Variants in CSNK1A1 observed in about 807,000 individuals in gnomAD.
CSNK1A1 encodes casein kinase I isoform alpha.
CSNK1A1 carries 7 observed loss-of-function variants against 46.1 expected under a neutral mutation model. That is an observed-to-expected ratio of 0.15 (90% CI 0.09 to 0.29). The LOEUF (loss-of-function observed/expected upper bound fraction) is 0.29, where lower values mean the gene tolerates loss of function less well. Among genes scored for constraint, CSNK1A1 ranks in the 10% least tolerant of loss-of-function variants. CSNK1A1 has a pLI of 1.00. For synonymous variants in CSNK1A1, 137 were observed against 141.5 expected (o/e 0.97, Z 0.23); for missense variants, 96 against 417.1 (o/e 0.23, Z 6.71).
chr5:149,521,902 C>G (rs764181006), intron 3 of CSNK1A1, among the ~76,000 whole-genome samples: 34 of 152,146 alleles, frequency 2.2e-4, no homozygotes, highest in Non-Finnish European at 4.1e-4. Flanking sequence ...GCCACTGCGC[C>G]TGGCCCTTCT....
chr5:149,499,971 T>TC (rs1489575808), intron 9 of CSNK1A1, among the ~76,000 whole-genome samples: 10 of 113,682 alleles, frequency 8.8e-5, no homozygotes, highest in East Asian at 5.4e-4. Context: ...TTTTTTCTTT[T>TC]TTTTTTTTTT....
At chr5:149,520,048 G>A (rs1280536310) in intron 4 of CSNK1A1, among the ~76,000 whole-genome samples, 1 of 152,150 alleles carries the variant, frequency 6.6e-6, no homozygotes, top group Non-Finnish European at 1.5e-5. Context: ...TCATTATACA[G>A]CCCTTAGAAT....
chr5:149,498,257 T>C (rs1760720133), intron 9 of CSNK1A1: 1 of 984,948 alleles, frequency 1.0e-6, no homozygotes, highest in African/African-American at 1.8e-5. Context: ...ATAGCGAACA[T>C]ACAAGAGAGT....
In CSNK1A1 at chr5:149,494,136, A is replaced by G. The variant is rs1359137193; in HGVS notation, c.*2717T>C. 1 of 152,230 alleles carries G rather than the reference A, an allele frequency of 6.6e-6. No homozygotes were observed. The highest frequency in any genetic ancestry group is 1.5e-5 in the Non-Finnish European group (1 of 68,034). 9.4% of individuals were successfully genotyped at this position (152,230 alleles called of 1,614,324 possible). A position where few individuals can be genotyped will look rare whatever the true frequency, so the allele number is the denominator to read the frequency against. On this transcript the variant is annotated 3_prime_UTR_variant, in exon 10 of 10. Transcript: ENST00000377843. The stretch of plus-strand genomic sequence containing the variant: ...GTCCTTTTGTTTGATTATTTTTATT[A>G]TAATGAAATTAAACTTATGACTATT...
At chr5:149,545,912 G>A (rs971291346) in intron 2 of CSNK1A1, 7 of 251,542 alleles carry the variant, frequency 2.8e-5, no homozygotes, top group African/African-American at 1.2e-4. Flanking sequence ...TTTTTGATAC[G>A]GAGCCTCATT....
At chr5:149,542,541 C>T (rs1461697432) in intron 2 of CSNK1A1, among the ~76,000 whole-genome samples, 8 of 121,100 alleles carry the variant, frequency 6.6e-5, no homozygotes, top group East Asian at 2.4e-4. Flanking sequence ...CAAGGAATAA[C>T]CCACATACTT....
intron 2 of CSNK1A1, chr5:149,529,637 G>A (rs929838051): frequency 4.4e-6 from 2 of 454,278 alleles, no homozygotes; most frequent in Admixed American, 4.7e-5. Flanking sequence ...GGCATGGGCT[G>A]TCATAAAGGG....
chr5:149,515,436 C>A (rs982368981), intron 4 of CSNK1A1, among the ~76,000 whole-genome samples: 1 of 152,146 alleles, frequency 6.6e-6, no homozygotes, highest in Non-Finnish European at 1.5e-5. Context: ...AAGGAGGAAA[C>A]CTTATTTATC....
intron 9 of CSNK1A1, chr5:149,497,872 C>G (rs1760703211): frequency 1.0e-6 from 1 of 974,246 alleles, no homozygotes; most frequent in Non-Finnish European, 1.2e-6. Context: ...CTCGCTCTGT[C>G]ACCCAGGCTG....
Position 149,495,882 on chromosome 5 carries a change from G to A in CSNK1A1, c.*971C>T, listed in dbSNP as rs1760641135. The A allele has an allele frequency of 1.3e-5, 2 of 152,292 alleles. No individual in the cohort carries two copies. Among genetic ancestry groups the A allele is most frequent in the Non-Finnish European group, 2.9e-5 (2 of 67,978 alleles). The allele number at this position is 152,292 out of a possible 1,614,324, so 9.4% of individuals were successfully genotyped here. On this transcript the variant is annotated 3_prime_UTR_variant, in exon 10 of 10. Transcript: ENST00000377843. ...AAATTGACTTGCAAAGGAATACCAT[G>A]TAACAAATGGCTTGAAGTAGTCTAT...
intron 2 of CSNK1A1, among the ~76,000 whole-genome samples, chr5:149,541,674 A>G (rs1192305610): frequency 1.3e-5 from 2 of 152,104 alleles, no homozygotes; most frequent in East Asian, 3.9e-4. Flanking sequence ...GCTTAAATAT[A>G]CTTTAAAACA....
At position 149,550,280 on chromosome 5, in the gene CSNK1A1, C is replaced by G; in HGVS notation, c.124-99G>C. The G allele has an allele frequency of 1.3e-6, 2 of 1,501,436 alleles. No individual in the cohort carries two copies. Among genetic ancestry groups the G allele is most frequent in the Non-Finnish European group, 1.8e-6 (2 of 1,126,340 alleles). 93.0% of individuals were successfully genotyped at this position (1,501,436 alleles called of 1,614,324 possible). A position where few individuals can be genotyped will look rare whatever the true frequency, so the allele number is the denominator to read the frequency against. On this transcript the variant is annotated intron_variant, in intron 1 of 9. Coordinates refer to ENST00000377843, the MANE Select transcript of CSNK1A1 (RefSeq NM_001892.6). The surrounding 1 kb of genome is among the most constrained non-coding windows in gnomAD (Gnocchi z 4.3). ...TTAGCAAAACTCCAAGTCGCGACTA[C>G]AAGAAGAAGTGAAAAGCTGGAAAGA...
chr5:149,504,915 A>G (rs1290957264), intron 9 of CSNK1A1: 1 of 985,548 alleles, frequency 1.0e-6, no homozygotes. Context: ...GAGAAGATAG[A>G]CACTTTGGGG....
At chr5:149,549,530 G>A in intron 2 of CSNK1A1, 1 of 701,744 alleles carries the variant, frequency 1.4e-6, no homozygotes, top group Non-Finnish European at 2.6e-6. Flanking sequence ...GAGGAATCAA[G>A]GAAGCATAAT....
At chr5:149,545,421 G>A in intron 2 of CSNK1A1, 1 of 527,588 alleles carries the variant, frequency 1.9e-6, no homozygotes, top group Non-Finnish European at 3.4e-6. Flanking sequence ...GAGCCTTTGG[G>A]AGGAGCCTGA....
intron 2 of CSNK1A1, among the ~76,000 whole-genome samples, chr5:149,549,782 A>G (rs1276553076): frequency 5.3e-5 from 8 of 152,250 alleles, no homozygotes; most frequent in African/African-American, 1.7e-4. Flanking sequence ...GCAGCAGCCA[A>G]CCCTTCCGCG....
chr5:149,513,210 C>CTT lies in CSNK1A1; in HGVS notation c.457-3_457-2dup. ...CCAAACCAAAATCAATAAGGAATAA[C>CTT]TTTAAAAGAGAAATACAGAAACATT... is the stretch of plus-strand genomic sequence containing the variant. On this transcript the variant is annotated splice_acceptor_variant, in intron 4 of 9. Coordinates refer to ENST00000377843, the MANE Select transcript of CSNK1A1 (RefSeq NM_001892.6). LOFTEE classifies it high-confidence loss of function. 6.2e-7 allele frequency: 1 copy of CTT among 1,611,526 alleles called. No homozygotes were observed. Among genetic ancestry groups the CTT allele is most frequent in the South Asian group, 1.1e-5 (1 of 90,544 alleles).
chr5:149,534,087 A>T (rs1373966839), intron 2 of CSNK1A1, among the ~76,000 whole-genome samples: 1 of 152,224 alleles, frequency 6.6e-6, no homozygotes, highest in African/African-American at 2.4e-5. Context: ...TGGGTAAATT[A>T]TATCAATAAA....
chr5:149,549,877 T>C (rs1242458826), intron 2 of CSNK1A1, among the ~76,000 whole-genome samples, 198 bp downstream of exon 2: 2 of 152,274 alleles, frequency 1.3e-5, no homozygotes, highest in Non-Finnish European at 2.9e-5. Context: ...TGGAGCAGTG[T>C]AATACAATGA....
Sources: gnomAD v4.1 joint callset for allele counts (sites outside exome capture counted in the v4.1 genomes callset) on GRCh38, gnomAD v4.1.1 for gene constraint, Gnocchi (gnomAD v3.1) non-coding constraint, MANE v1.5 for transcripts, NCBI Gene and HGNC (gene_info 2026-07-23, HGNC 2026-07-21) for gene names.